The following STAG1 variants were observed in gnomAD, a reference collection of about 807,000 sequenced individuals.
The protein encoded by STAG1 is STAG1 cohesin complex component, also known as cohesin subunit SA-1.
A neutral mutation model predicts 170.9 loss-of-function variants in STAG1; 26 were observed. The ratio of observed to expected loss-of-function variants is 0.15; its 90% CI spans 0.11 to 0.21. STAG1 has a LOEUF of 0.21. Ranked by LOEUF, STAG1 falls within the 10% of genes least tolerant of loss-of-function variation. STAG1 has a pLI of 1.00. For missense variants in STAG1, 964 were observed against 1,509.5 expected, an observed-to-expected ratio of 0.64 and a Z score of 5.99; for synonymous variants, 514 against 497.7, an observed-to-expected ratio of 1.03 and a Z score of -0.44.
At chr3:136,465,271 G>A (rs2089419807) in intron 12 of STAG1, among the ~76,000 whole-genome samples, 1 of 144,966 alleles carries the variant, frequency 6.9e-6, no homozygotes, top group African/African-American at 2.6e-5. Flanking sequence ...CTAGGCTGGA[G>A]TACAACACCA....
intron 28 of STAG1, among the ~76,000 whole-genome samples, chr3:136,355,410 T>C (rs1205456479): frequency 1.1e-5 from 1 of 88,080 alleles, no homozygotes; most frequent in Non-Finnish European, 2.5e-5. Flanking sequence ...AGCCCCAAAA[T>C]GTATGAAGCA....
At chr3:136,515,542 A>C (rs965833620) in intron 7 of STAG1, among the ~76,000 whole-genome samples, 5 of 152,206 alleles carry the variant, frequency 3.3e-5, no homozygotes, top group African/African-American at 9.6e-5. Context: ...AAGACGAAGA[A>C]AGGCACAGGA....
chr3:136,427,427 A>G (rs996157626), intron 16 of STAG1, among the ~76,000 whole-genome samples: 1 of 152,194 alleles, frequency 6.6e-6, no homozygotes, highest in African/African-American at 2.4e-5. Flanking sequence ...TGTGTATCAT[A>G]GTCAAAAGTG....
intron 4 of STAG1, among the ~76,000 whole-genome samples, chr3:136,601,302 C>T (rs962682969): frequency 6.6e-6 from 1 of 151,642 alleles, no homozygotes; most frequent in Admixed American, 6.6e-5. Flanking sequence ...AAAATGTGCC[C>T]AAAAGACTGC....
intron 7 of STAG1, among the ~76,000 whole-genome samples, chr3:136,512,035 G>A (rs1934089490): frequency 7.4e-6 from 1 of 135,210 alleles, no homozygotes; most frequent in Admixed American, 8.5e-5. Context: ...TGGGAGGAAA[G>A]CTTGAGCCCA....
intron 6 of STAG1, among the ~76,000 whole-genome samples, chr3:136,528,963 C>T (rs1935221320): frequency 6.6e-6 from 1 of 150,882 alleles, no homozygotes; most frequent in Admixed American, 6.6e-5. Flanking sequence ...CAAAAAAAAA[C>T]AGAAAACAAA....
rs1329546665 is a variant in STAG1, at chr3:136,337,106, CTG to C, written c.*1146_*1147del. ...TTATTCTTAATATGCACATTTAACA[CTG>C]AAATGTAGCTGTAATTCAAGGTAAG... On this transcript the variant is annotated 3_prime_UTR_variant, in exon 34 of 34. Transcript: ENST00000383202. 6.6e-6 allele frequency: 1 copy of C among 152,632 alleles called. No homozygotes were observed. Among genetic ancestry groups the C allele is most frequent in the Non-Finnish European group, 1.5e-5 (1 of 68,040 alleles). The allele number at this position is 152,632 out of a possible 1,614,324, so 9.5% of individuals were successfully genotyped here. A position where few individuals can be genotyped will look rare whatever the true frequency, so the allele number is the denominator to read the frequency against.
At chr3:136,697,829 C>A (rs1184914913) in intron 1 of STAG1, among the ~76,000 whole-genome samples, 1 of 152,112 alleles carries the variant, frequency 6.6e-6, no homozygotes, top group Non-Finnish European at 1.5e-5. Flanking sequence ...TGATTACATT[C>A]CCAGGAAGTG....
chr3:136,496,175 C>CA (rs1402624460), intron 9 of STAG1, among the ~76,000 whole-genome samples: 11 of 151,478 alleles, frequency 7.3e-5, no homozygotes, highest in African/African-American at 2.7e-4. Context: ...AAAAAACCCC[C>CA]AAAAAACACA....
chr3:136,621,443 T>G (rs1211658504), intron 3 of STAG1, among the ~76,000 whole-genome samples: 1 of 152,102 alleles, frequency 6.6e-6, no homozygotes, highest in Non-Finnish European at 1.5e-5. Flanking sequence ...TTGCCTATGG[T>G]CTCAGAAAAA....
chr3:136,446,669 C>A (rs1199782149), intron 14 of STAG1, among the ~76,000 whole-genome samples: 1 of 152,014 alleles, frequency 6.6e-6, no homozygotes, highest in Non-Finnish European at 1.5e-5. Flanking sequence ...GTGATCCACC[C>A]GCCTCATCCT....
chr3:136,448,771 T>C (rs2088855828), intron 14 of STAG1, among the ~76,000 whole-genome samples: 2 of 152,108 alleles, frequency 1.3e-5, no homozygotes, highest in Admixed American at 6.6e-5. Flanking sequence ...AAACTCCATC[T>C]CTACTAAAAA....
intron 1 of STAG1, among the ~76,000 whole-genome samples, chr3:136,724,281 A>T (rs1412815864): frequency 6.6e-6 from 1 of 151,994 alleles, no homozygotes; most frequent in African/African-American, 2.4e-5. Flanking sequence ...CTGCCTTGTG[A>T]TCCTGTTGAT....
chr3:136,511,004 T>C (rs1934037788), intron 7 of STAG1, among the ~76,000 whole-genome samples: 1 of 152,110 alleles, frequency 6.6e-6, no homozygotes, highest in Admixed American at 6.5e-5. Flanking sequence ...ACTCCTGACC[T>C]CAAGTAATCC....
intron 1 of STAG1, among the ~76,000 whole-genome samples, chr3:136,677,629 G>C (rs1447799510): frequency 6.6e-6 from 1 of 152,060 alleles, no homozygotes; most frequent in African/African-American, 2.4e-5. Context: ...TATTAAAAAG[G>C]TTGATGTAAG....
intron 7 of STAG1, among the ~76,000 whole-genome samples, chr3:136,516,656 T>A (rs1327789141): frequency 6.6e-6 from 1 of 152,164 alleles, no homozygotes; most frequent in East Asian, 1.9e-4. Context: ...AACAAGCAAA[T>A]CAATAAATTC....
At chr3:136,367,761 T>G (rs991901493) in intron 24 of STAG1, among the ~76,000 whole-genome samples, 3 of 152,118 alleles carry the variant, frequency 2.0e-5, no homozygotes, top group Admixed American at 2.0e-4. Flanking sequence ...AGAAACAAAA[T>G]ATTTTGCATA....
At chr3:136,649,508 A>G (rs1941143863) in intron 1 of STAG1, among the ~76,000 whole-genome samples, 1 of 150,986 alleles carries the variant, frequency 6.6e-6, no homozygotes, top group Non-Finnish European at 1.5e-5. Flanking sequence ...AGAAACAAAA[A>G]AAAAAAAAAA....
At chr3:136,566,120 T>C (rs559720482) in intron 5 of STAG1, among the ~76,000 whole-genome samples, 7 of 152,302 alleles carry the variant, frequency 4.6e-5, no homozygotes, top group South Asian at 4.1e-4. Flanking sequence ...ACTGCTACAA[T>C]GGATTGAATG....
Sources: allele counts gnomAD v4.1 joint callset (sites outside exome capture counted in the v4.1 genomes callset), GRCh38; gene constraint gnomAD v4.1.1; transcripts MANE v1.5; gene names NCBI Gene and HGNC (gene_info 2026-07-23, HGNC 2026-07-21).